NCKAP5: variants seen among roughly 807,000 people sequenced by gnomAD.
NCKAP5 encodes the protein nck-associated protein 5.
A neutral mutation model predicts 167.0 loss-of-function variants in NCKAP5; 92 were observed. That is an observed-to-expected ratio of 0.55 (90% confidence interval 0.47 to 0.66). The LOEUF (loss-of-function observed/expected upper bound fraction) is 0.66, where lower values mean the gene tolerates loss of function less well. Among genes scored for constraint, NCKAP5 ranks in the 30% least tolerant of loss-of-function variants. The probability of loss-of-function intolerance (pLI) is 0.00; values close to 1 mark genes in which losing one functional copy is unlikely to be tolerated. For missense variants in NCKAP5, 2,378 were observed against 2,315.0 expected (o/e 1.03, Z -0.56); for synonymous variants, 891 against 877.4 (o/e 1.02, Z -0.27).
At chr2:132,972,400 A>C (rs1217748423) in intron 7 of NCKAP5, among the ~76,000 whole-genome samples, 1 of 152,190 alleles carries the variant, frequency 6.6e-6, no homozygotes, top group African/African-American at 2.4e-5. Flanking sequence ...CAATGAAGGG[A>C]AACATGTCTA....
intron 3 of NCKAP5, among the ~76,000 whole-genome samples, chr2:133,406,434 T>C (rs543142571): frequency 5.3e-5 from 8 of 152,154 alleles, no homozygotes; most frequent in East Asian, 1.9e-4. Context: ...ACGTGAAATA[T>C]AACACAGGAG....
chr2:133,487,394 TG>T (rs1681004789), intron 3 of NCKAP5, among the ~76,000 whole-genome samples: 1 of 152,112 alleles, frequency 6.6e-6, no homozygotes, highest in African/African-American at 2.4e-5. Context: ...GGCACTGTAG[TG>T]GGAGCTGTAA....
At chr2:133,256,173 AAC>A (rs2088607611) in intron 4 of NCKAP5, among the ~76,000 whole-genome samples, 1 of 152,192 alleles carries the variant, frequency 6.6e-6, no homozygotes, top group South Asian at 2.1e-4. Context: ...GTACTAATCT[AAC>A]ACTAATATGT....
At chr2:132,842,376 A>G (rs1688352541) in intron 11 of NCKAP5, among the ~76,000 whole-genome samples, 3 of 152,098 alleles carry the variant, frequency 2.0e-5, no homozygotes, top group South Asian at 4.1e-4. Context: ...TTGGGAATAT[A>G]CATACATATA....
intron 3 of NCKAP5, among the ~76,000 whole-genome samples, chr2:133,475,595 G>T (rs1002245621): frequency 6.6e-6 from 1 of 152,106 alleles, no homozygotes; most frequent in Non-Finnish European, 1.5e-5. Context: ...AATAGCAGGC[G>T]ATATCTTATT....
intron 12 of NCKAP5, among the ~76,000 whole-genome samples, chr2:132,794,263 TAGAGAGAGAGAGAGAG>T (rs70973407): frequency 0.017 from 207 of 11,908 alleles, 4 homozygotes; most frequent in African/African-American, 0.04. Context: ...TATATATATA[TAGAGAGAGAGAGAGAG>T]AGAGAGAGAG....
In NCKAP5 at chr2:133,480,093, G is replaced by A. The variant is rs185586750; in HGVS notation, c.69+37365C>T. 1.3e-3 allele frequency among the ~76,000 whole-genome samples: 196 copies of A among 151,900 alleles called. 1 individual carries two copies. Among genetic ancestry groups the A allele is most frequent in the African/African-American group, 4.4e-3 (183 of 41,422 alleles). ...ATTACAGGCATGTACCACCATGCCC[G>A]GCTAATTTTTGTATTTTTAGTAGAG... is the stretch of plus-strand genomic sequence containing the variant. On this transcript the variant is annotated intron_variant, in intron 3 of 19. Coordinates refer to ENST00000409261, the MANE Select transcript of NCKAP5 (RefSeq NM_207363.3).
At chr2:132,736,465 G>T (rs1691515844) in intron 16 of NCKAP5, among the ~76,000 whole-genome samples, 1 of 152,118 alleles carries the variant, frequency 6.6e-6, no homozygotes, top group African/African-American at 2.4e-5. Flanking sequence ...TCAATGAGTT[G>T]ATGCAGTATT....
chr2:132,989,596 AG>A (rs925912872), intron 7 of NCKAP5, among the ~76,000 whole-genome samples: 40 of 152,256 alleles, frequency 2.6e-4, no homozygotes, highest in African/African-American at 9.4e-4. Context: ...TCACTTCCTC[AG>A]GGGGAATGAG....
intron 8 of NCKAP5, among the ~76,000 whole-genome samples, chr2:132,888,346 C>A (rs1692418695): frequency 6.6e-6 from 1 of 152,130 alleles, no homozygotes; most frequent in Non-Finnish European, 1.5e-5. Context: ...TTCCCCTTTG[C>A]AAACATCAAT....
the NCKAP5 span, among the ~76,000 whole-genome samples, chr2:133,644,364 A>C: frequency 1.3e-5 from 2 of 152,176 alleles, no homozygotes; most frequent in African/African-American, 4.8e-5. Flanking sequence ...TTACTGACTC[A>C]AGATCTTGGG....
At chr2:132,973,077 G>T (rs928366313) in intron 7 of NCKAP5, among the ~76,000 whole-genome samples, 4 of 152,106 alleles carry the variant, frequency 2.6e-5, no homozygotes, top group African/African-American at 9.7e-5. Flanking sequence ...TCCACTGGGT[G>T]GATATAATTG....
At chr2:133,629,247 G>C in the NCKAP5 span, among the ~76,000 whole-genome samples, 1 of 152,050 alleles carries the variant, frequency 6.6e-6, no homozygotes, top group Non-Finnish European at 1.5e-5. Flanking sequence ...ATCTGACAAA[G>C]GTCTAATATC....
At chr2:132,965,927 T>TGA (rs2076650174) in intron 7 of NCKAP5, among the ~76,000 whole-genome samples, 2 of 151,978 alleles carry the variant, frequency 1.3e-5, no homozygotes, top group East Asian at 1.9e-4. Context: ...TGTGTGTGTG[T>TGA]GTGTGTGTGT....
chr2:133,540,688 C>T (rs975058081), intron 2 of NCKAP5, among the ~76,000 whole-genome samples: 1 of 152,006 alleles, frequency 6.6e-6, no homozygotes, highest in African/African-American at 2.4e-5. Flanking sequence ...ATAATGCCAG[C>T]ACTTTGGGAG....
chr2:133,390,555 A>G (rs1046628292), intron 3 of NCKAP5, among the ~76,000 whole-genome samples: 9 of 152,176 alleles, frequency 5.9e-5, no homozygotes, highest in Non-Finnish European at 1.0e-4. Flanking sequence ...CTCTTTTTCT[A>G]AAACTATAAC....
At chr2:133,354,607 T>C (rs1684585557) in intron 3 of NCKAP5, among the ~76,000 whole-genome samples, 1 of 152,228 alleles carries the variant, frequency 6.6e-6, no homozygotes, top group Non-Finnish European at 1.5e-5. Flanking sequence ...ACCCAACTTA[T>C]TAACGATAGA....
chr2:133,205,306 G>GATAGATAGATAGATAGATAC (rs2085897059), intron 5 of NCKAP5, among the ~76,000 whole-genome samples: 1 of 151,980 alleles, frequency 6.6e-6, no homozygotes, highest in Non-Finnish European at 1.5e-5. Flanking sequence ...TAGATAGATA[G>GATAGATAGATAGATAGATAC]ATAGATAGAT....
rs756221197 is a variant in NCKAP5, at chr2:132,783,516, G to T, written c.3295C>A (p.Pro1099Thr). 2 of 1,612,872 alleles carry T rather than the reference G, an allele frequency of 1.2e-6. No individual in the cohort carries two copies. Among genetic ancestry groups the T allele is most frequent in the African/African-American group, 1.3e-5 (1 of 74,896 alleles). The change falls in exon 14 of 20, where the codon CCC becomes ACC. Residue 1099 changes from proline to threonine, a missense_variant. By Grantham distance (38) the Pro-to-Thr change is conservative. Coordinates refer to ENST00000409261, the MANE Select transcript of NCKAP5 (RefSeq NM_207363.3). ...KGQLNDSASTPPKPSFLGVNE... is the reference protein window; with the variant it reads ...KGQLNDSASTTPKPSFLGVNE... ...ACCCCTAAGAAGGAAGGCTTGGGGG[G>T]TGTGGAGGCGCTATCATTCAATTGT...
Sources: allele counts gnomAD v4.1 joint callset (sites outside exome capture counted in the v4.1 genomes callset), GRCh38; gene constraint gnomAD v4.1.1; transcripts MANE v1.5; gene names NCBI Gene and HGNC (gene_info 2026-07-23, HGNC 2026-07-21).